Variants in CORO2A observed in about 807,000 individuals in gnomAD.
The protein encoded by CORO2A is coronin-2A.
Under a neutral mutation model 62.4 loss-of-function variants are expected in CORO2A, and 47 were observed. That is an observed-to-expected ratio of 0.75 (90% CI 0.60 to 0.96). CORO2A has a LOEUF of 0.96. Ranked by LOEUF, CORO2A falls within the 40% of genes least tolerant of loss-of-function variation. The probability of loss-of-function intolerance (pLI) is 0.00; values close to 1 mark genes in which losing one functional copy is unlikely to be tolerated. For synonymous variants in CORO2A, 273 were observed against 268.9 expected (o/e 1.02, Z -0.15); for missense variants, 610 against 684.1 (o/e 0.89, Z 1.21).
Position 98,182,240 on chromosome 9 carries a change from A to C in CORO2A, c.-1+10319T>G, listed in dbSNP as rs1284396632. Among the ~76,000 whole-genome samples the C allele has an allele frequency of 3.3e-5, 5 of 152,236 alleles. No homozygotes were observed. In the East Asian group the frequency reaches 9.6e-4, roughly 29 times the overall value. ...CGTGAACAAAGGTCCTAGTCAAAAA[A>C]TTACATTGAAAGATAACTTTTTAGG... is the stretch of plus-strand genomic sequence containing the variant. On this transcript the variant is annotated intron_variant, in intron 1 of 11. Transcript: ENST00000375077.
chr9:98,167,096 C>A (rs1827971522), intron 1 of CORO2A, among the ~76,000 whole-genome samples: 1 of 139,202 alleles, frequency 7.2e-6, no homozygotes, highest in African/African-American at 2.7e-5. Context: ...AAAGCAAGAT[C>A]CTGTCTCAAA....
In CORO2A at chr9:98,122,343, G is replaced by C. The variant is rs1661755787; in HGVS notation, c.*2431C>G. 5 of 152,252 alleles carry C rather than the reference G, an allele frequency of 3.3e-5. No individual in the cohort carries two copies. Among genetic ancestry groups the C allele is most frequent in the Admixed American group, 3.3e-4 (5 of 15,280 alleles). The allele number at this position is 152,252 out of a possible 1,614,324, so 9.4% of individuals were successfully genotyped here. A position where few individuals can be genotyped will look rare whatever the true frequency, so the allele number is the denominator to read the frequency against. On this transcript the variant is annotated 3_prime_UTR_variant, in exon 12 of 12. Transcript: ENST00000375077. ...GGTCTGGAATGTGGCATGGGCATCT[G>C]TATTTCCTGCACGCTCCCAAGGGAA...
intron 2 of CORO2A, among the ~76,000 whole-genome samples, chr9:98,146,532 G>A (rs1827646013): frequency 6.6e-6 from 1 of 152,188 alleles, no homozygotes; most frequent in South Asian, 2.1e-4. Context: ...CAATCTCAAT[G>A]CAATTTATGT....
intron 1 of CORO2A, 63 bp downstream of exon 1, chr9:98,192,496 C>T (rs1828317128): frequency 7.0e-6 from 1 of 143,798 alleles, no homozygotes; most frequent in Non-Finnish European, 1.5e-5. Context: ...GCGCGCACGT[C>T]CCGCCCGACG....
intron 2 of CORO2A, among the ~76,000 whole-genome samples, chr9:98,154,125 T>C (rs1352623682): frequency 6.6e-6 from 1 of 151,532 alleles, no homozygotes; most frequent in African/African-American, 2.4e-5. Context: ...GTGAGATTGA[T>C]CAATATTTTT....
At chr9:98,164,973 A>C (rs10985257) in intron 1 of CORO2A, among the ~76,000 whole-genome samples, 35,093 of 150,928 alleles carry the variant, frequency 0.23, 4,164 homozygotes, top group Middle Eastern at 0.29. Flanking sequence ...AGGTGTAACA[A>C]TTCTTTTTTT....
At chr9:98,135,018 T>A in intron 3 of CORO2A, 63 bp from the exon 4 acceptor site, 1 of 1,583,772 alleles carries the variant, frequency 6.3e-7, no homozygotes, top group African/African-American at 1.3e-5. Context: ...GTCACCAGCC[T>A]AAGCCACAGA....
At chr9:98,188,530 C>A (rs1457942115) in intron 1 of CORO2A, among the ~76,000 whole-genome samples, 4 of 151,978 alleles carry the variant, frequency 2.6e-5, no homozygotes, top group Non-Finnish European at 5.9e-5. Flanking sequence ...TTTGGGAGGC[C>A]GAGACAAGCG....
intron 2 of CORO2A, among the ~76,000 whole-genome samples, chr9:98,151,724 G>T (rs982556327): frequency 7.9e-5 from 12 of 151,516 alleles, no homozygotes; most frequent in African/African-American, 2.7e-4. Context: ...GTGCAATGGC[G>T]CCATCTCGGC....
chr9:98,182,628 G>T (rs1202259138), intron 1 of CORO2A, among the ~76,000 whole-genome samples: 1 of 152,162 alleles, frequency 6.6e-6, no homozygotes. Context: ...ATTAGACCAG[G>T]TTCAAAGCCC....
At chr9:98,155,980 T>C (rs993533578) in intron 2 of CORO2A, among the ~76,000 whole-genome samples, 25 of 152,228 alleles carry the variant, frequency 1.6e-4, no homozygotes, top group Middle Eastern at 3.4e-3. Flanking sequence ...TTCTCTTTCA[T>C]TGATTTTTGC....
At chr9:98,166,347 G>GA (rs539965235) in intron 1 of CORO2A, among the ~76,000 whole-genome samples, 4 of 151,610 alleles carry the variant, frequency 2.6e-5, no homozygotes, top group African/African-American at 9.7e-5. Flanking sequence ...GGCAACAAAA[G>GA]AAAAAAAATA....
At chr9:98,179,829 C>T (rs999247019) in intron 1 of CORO2A, among the ~76,000 whole-genome samples, 2 of 151,980 alleles carry the variant, frequency 1.3e-5, no homozygotes, top group Non-Finnish European at 2.9e-5. Context: ...ATGGTGAAAC[C>T]CCGTCTCTAC....
intron 1 of CORO2A, among the ~76,000 whole-genome samples, chr9:98,190,449 T>C (rs1418534373): frequency 6.6e-6 from 1 of 152,232 alleles, no homozygotes; most frequent in Non-Finnish European, 1.5e-5. Flanking sequence ...TTATATGTTA[T>C]GTGTTTTTTT....
At chr9:98,136,798 C>T (rs1174789082) in intron 3 of CORO2A, among the ~76,000 whole-genome samples, 1 of 152,192 alleles carries the variant, frequency 6.6e-6, no homozygotes, top group African/African-American at 2.4e-5. Context: ...AGTGGGCTCA[C>T]AATAAATGGT....
chr9:98,188,521 T>C (rs2118947926), intron 1 of CORO2A, among the ~76,000 whole-genome samples: 2 of 152,204 alleles, frequency 1.3e-5, no homozygotes, highest in South Asian at 4.2e-4. Flanking sequence ...TCCCAGCACT[T>C]TGGGAGGCCG....
chr9:98,182,620 T>A (rs766615060), intron 1 of CORO2A, among the ~76,000 whole-genome samples: 1 of 152,210 alleles, frequency 6.6e-6, no homozygotes, highest in Non-Finnish European at 1.5e-5. Flanking sequence ...GGAATCTAAT[T>A]AGACCAGGTT....
At chr9:98,173,400 T>C (rs1466471288) in intron 1 of CORO2A, among the ~76,000 whole-genome samples, 4 of 152,218 alleles carry the variant, frequency 2.6e-5, no homozygotes, top group Non-Finnish European at 1.5e-5. Context: ...CGGGGCACTC[T>C]GCAGAGCAGC....
chr9:98,131,214 A>G (rs1457926470), intron 6 of CORO2A, among the ~76,000 whole-genome samples, 155 bp from the exon 7 acceptor site: 1 of 151,932 alleles, frequency 6.6e-6, no homozygotes, highest in Non-Finnish European at 1.5e-5. Context: ...CGGGGGGAAG[A>G]TGTCCCTGGT....
Sources: allele counts gnomAD v4.1 joint callset (sites outside exome capture counted in the v4.1 genomes callset), GRCh38; gene constraint gnomAD v4.1.1; transcripts MANE v1.5; gene names NCBI Gene and HGNC (gene_info 2026-07-23, HGNC 2026-07-21).